The following WDHD1 variants were observed in gnomAD, a reference collection of about 807,000 sequenced individuals.
The protein encoded by WDHD1 is WD repeat and HMG-box DNA-binding protein 1.
In WDHD1, 111 loss-of-function variants were observed where a neutral mutation model predicts 135.4. The ratio of observed to expected loss-of-function variants is 0.82; its 90% confidence interval spans 0.70 to 0.96. The LOEUF (loss-of-function observed/expected upper bound fraction) is 0.96, where lower values mean the gene tolerates loss of function less well. Ranked by LOEUF, WDHD1 falls within the 40% of genes least tolerant of loss-of-function variation. WDHD1 has a pLI of 0.00. For missense variants in WDHD1, 1,351 were observed against 1,336.3 expected, an observed-to-expected ratio of 1.01 and a Z score of -0.17; for synonymous variants, 434 against 439.0, an observed-to-expected ratio of 0.99 and a Z score of 0.14.
At chr14:54,970,621 CAAAAA>C (rs202021020) in intron 16 of WDHD1, among the ~76,000 whole-genome samples, 3 of 130,640 alleles carry the variant, frequency 2.3e-5, no homozygotes, top group Non-Finnish European at 1.6e-5. Context: ...GTCACAGCAC[CAAAAA>C]AAAAAAAAAA....
intron 4 of WDHD1, among the ~76,000 whole-genome samples, chr14:55,009,533 G>T (rs2042129830): frequency 6.6e-6 from 1 of 151,788 alleles, no homozygotes; most frequent in Non-Finnish European, 1.5e-5. Flanking sequence ...CCGGGTTCAA[G>T]CAATTCTCCT....
At chr14:54,980,680 T>C (rs1374423614) in intron 16 of WDHD1, among the ~76,000 whole-genome samples, 1 of 151,676 alleles carries the variant, frequency 6.6e-6, no homozygotes, top group East Asian at 1.9e-4. Flanking sequence ...GGCACATGCC[T>C]ATGTAATCTC....
chr14:54,962,692 A>G (rs2041271415), intron 20 of WDHD1, 46 bp downstream of exon 20: 4 of 1,601,890 alleles, frequency 2.5e-6, no homozygotes, highest in Non-Finnish European at 2.6e-6. Context: ...GAAAAGCCAC[A>G]TCCATGATAG....
chr14:54,984,807 T>C lies in WDHD1; in HGVS notation c.1822A>G (p.Lys608Glu), dbSNP rs2041671764. 6.2e-7 allele frequency: 1 copy of C among 1,613,872 alleles called. No individual in the cohort carries two copies. Among genetic ancestry groups the C allele is most frequent in the South Asian group, 1.1e-5 (1 of 91,042 alleles). The change falls in exon 15 of 26, where the codon AAA becomes GAA. Residue 608 changes from lysine (K) to glutamate (E), a missense_variant. Physicochemically the swap from Lys to Glu is moderately conservative, Grantham distance 56. Coordinates refer to ENST00000360586, the MANE Select transcript of WDHD1 (RefSeq NM_007086.4). ...CLGVQLLELG[K>E]KKKQILHGDP... ...CCATGCAAAATTTGTTTTTTCTTTT[T>C]CCCCAGCTCTAGCAGTTGAACTCCA...
At chr14:55,000,749 T>A in intron 9 of WDHD1, 105 bp from the exon 10 acceptor site, 11 of 1,076,914 alleles carry the variant, frequency 1.0e-5, no homozygotes, top group Non-Finnish European at 1.3e-5. Context: ...CTTTTGACAA[T>A]AATTTATAAA....
chr14:54,995,276 C>T (rs1313260794), intron 11 of WDHD1, among the ~76,000 whole-genome samples: 2 of 152,080 alleles, frequency 1.3e-5, no homozygotes, highest in African/African-American at 2.4e-5. Flanking sequence ...CCACCGTGCC[C>T]GGCCTTATTG....
At chr14:54,973,039 T>TTA (rs3074190) in intron 16 of WDHD1, among the ~76,000 whole-genome samples, 2 of 151,688 alleles carry the variant, frequency 1.3e-5, no homozygotes, top group Non-Finnish European at 2.9e-5. Flanking sequence ...ACAGAATGAT[T>TTA]TATATATATA....
rs763541385 is a variant in WDHD1, at chr14:54,962,940, ATT to A, written c.2531+10_2531+11del. ...AGTAAAGGAAAATTCAAACAACTAAATTATTTCTTACCCAGCATTCAGCTTTT... is the reference window on the plus strand; with the variant it reads ...AGTAAAGGAAAATTCAAACAACTAAAATTTCTTACCCAGCATTCAGCTTTT... On this transcript the variant is annotated intron_variant, in intron 19 of 25. Coordinates refer to ENST00000360586, the MANE Select transcript of WDHD1 (RefSeq NM_007086.4). The A allele has an allele frequency of 3.1e-6, 5 of 1,613,408 alleles. No homozygotes were observed. Among genetic ancestry groups the A allele is most frequent in the Non-Finnish European group, 4.2e-6 (5 of 1,179,938 alleles).
intron 2 of WDHD1, among the ~76,000 whole-genome samples, chr14:55,017,887 G>A (rs1046377404): frequency 4.6e-5 from 7 of 151,978 alleles, no homozygotes; most frequent in Non-Finnish European, 8.8e-5. Flanking sequence ...GCCCTACCAC[G>A]GCTCACTGCA....
chr14:54,979,088 T>TA (rs2041575517), intron 16 of WDHD1, among the ~76,000 whole-genome samples: 1 of 152,148 alleles, frequency 6.6e-6, no homozygotes, highest in South Asian at 2.1e-4. Flanking sequence ...TCACCTAAGC[T>TA]AAAAAATCCC....
Position 54,940,072 on chromosome 14 carries a change from A to G in WDHD1, c.*1418T>C, listed in dbSNP as rs1472370127. 1 of 151,142 alleles carries G rather than the reference A, an allele frequency of 6.6e-6. No individual in the cohort carries two copies. Among genetic ancestry groups the G allele is most frequent in the Non-Finnish European group, 1.5e-5 (1 of 68,036 alleles). 9.4% of individuals were successfully genotyped at this position (151,142 alleles called of 1,614,324 possible). A position where few individuals can be genotyped will look rare whatever the true frequency, so the allele number is the denominator to read the frequency against. On this transcript the variant is annotated 3_prime_UTR_variant, in exon 26 of 26. Coordinates refer to ENST00000360586, the MANE Select transcript of WDHD1 (RefSeq NM_007086.4). Reference sequence around the variant, plus strand: ...TGAAATAACCAACAGCATCATCATTATCAGAATAGTAACTAACATTTATAT... The same window carrying G: ...TGAAATAACCAACAGCATCATCATTGTCAGAATAGTAACTAACATTTATAT...
rs929960298 is a variant in WDHD1, at chr14:55,000,549, A to G, written c.896T>C (p.Leu299Pro). ...ACTGGGGTCACAAACATTCTCTAGA[A>G]GCCCTAGATTTCCTTCCGCATCAGT... ...SYTDAEGNLG[L>P]LENVCDPSGK... The change falls in exon 10 of 26, where the codon CTT becomes CCT. Residue 299 changes from leucine to proline, a missense_variant. By Grantham distance (98) the Leu-to-Pro change is moderately conservative (BLOSUM62 -3). Around this residue, in one of 2 missense-constraint regions of WDHD1, gnomAD observed 1,330 missense variants for 1,296.1 expected, o/e 1.03. Coordinates refer to ENST00000360586, the MANE Select transcript of WDHD1 (RefSeq NM_007086.4). 1.9e-6 allele frequency: 3 copies of G among 1,608,096 alleles called. No individual in the cohort carries two copies. The highest frequency in any genetic ancestry group is 2.5e-6 in the Non-Finnish European group (3 of 1,176,912).
chr14:54,977,866 T>C (rs1464055909), intron 16 of WDHD1, among the ~76,000 whole-genome samples: 1 of 148,190 alleles, frequency 6.7e-6, no homozygotes, highest in Admixed American at 6.7e-5. Flanking sequence ...TCTTTACAAA[T>C]CTTAAATAAA....
chr14:54,998,260 G>A (rs999306618), intron 10 of WDHD1, among the ~76,000 whole-genome samples: 1 of 151,886 alleles, frequency 6.6e-6, no homozygotes, highest in East Asian at 1.9e-4. Context: ...TGATGAAGGC[G>A]ATAAAATGTT....
intron 4 of WDHD1, among the ~76,000 whole-genome samples, chr14:55,008,955 C>T (rs1226714588): frequency 1.3e-5 from 2 of 152,046 alleles, no homozygotes; most frequent in Non-Finnish European, 1.5e-5. Flanking sequence ...CACCACCATG[C>T]CCAGCTAATT....
intron 16 of WDHD1, among the ~76,000 whole-genome samples, chr14:54,973,818 C>G (rs976556034): frequency 6.6e-5 from 10 of 151,964 alleles, no homozygotes; most frequent in African/African-American, 2.4e-4. Flanking sequence ...ACATAGTAAG[C>G]AATTATCACA....
At chr14:54,956,242 T>G (rs570392742) in intron 23 of WDHD1, among the ~76,000 whole-genome samples, 1 of 152,196 alleles carries the variant, frequency 6.6e-6, no homozygotes, top group South Asian at 2.1e-4. Flanking sequence ...CGAATATACA[T>G]CAGAACTATC....
chr14:54,943,768 T>A (rs1262338690), intron 25 of WDHD1, among the ~76,000 whole-genome samples: 2 of 151,808 alleles, frequency 1.3e-5, no homozygotes, highest in Non-Finnish European at 2.9e-5. Flanking sequence ...TACAGGAACT[T>A]ATAGAGATTA....
chr14:55,010,224 C>A, intron 4 of WDHD1, 85 bp downstream of exon 4: 3 of 1,305,714 alleles, frequency 2.3e-6, no homozygotes, highest in Non-Finnish European at 3.0e-6. Flanking sequence ...AATTAAGTCA[C>A]GGTCCTGAAA....
Sources: allele counts gnomAD v4.1 joint callset (sites outside exome capture counted in the v4.1 genomes callset), GRCh38; gene constraint gnomAD v4.1.1; regional missense constraint gnomAD v4.1.1; transcripts MANE v1.5; gene names NCBI Gene and HGNC (gene_info 2026-07-23, HGNC 2026-07-21).